Variants in RASA2 observed in about 807,000 individuals in gnomAD.
RASA2 encodes the protein RAS p21 protein activator 2.
Under a neutral mutation model 118.2 loss-of-function variants are expected in RASA2, and 155 were observed. That is an observed-to-expected ratio of 1.31 (90% CI 1.15 to 1.50). The LOEUF (loss-of-function observed/expected upper bound fraction) is 1.50, where lower values mean the gene tolerates loss of function less well. Among genes scored for constraint, RASA2 ranks in the 40% most tolerant of loss-of-function variants. The pLI is 0.00. For missense variants in RASA2, 1,016 were observed against 1,009.6 expected, an observed-to-expected ratio of 1.01 and a Z score of -0.09; for synonymous variants, 353 against 349.1, an observed-to-expected ratio of 1.01 and a Z score of -0.12.
Position 141,609,126 on chromosome 3 carries a change from A to G in RASA2, c.2226-294A>G, listed in dbSNP as rs572091923. On this transcript the variant is annotated intron_variant, in intron 21 of 23. Coordinates refer to ENST00000286364, the MANE Select transcript of RASA2 (RefSeq NM_006506.5). The stretch of plus-strand genomic sequence containing the variant: ...TCCTTAGCATTCTCTTTCTAATTGT[A>G]TGGAACAACCATTGTATTTCTATAG... Among the ~76,000 whole-genome samples, 3 of 152,346 alleles carry G rather than the reference A, an allele frequency of 2.0e-5. No individual in the cohort carries two copies. The South Asian group carries it at 6.2e-4, about 32-fold the overall frequency.
intron 17 of RASA2, among the ~76,000 whole-genome samples, chr3:141,582,368 G>A (rs1433959128): frequency 6.6e-6 from 1 of 152,192 alleles, no homozygotes; most frequent in Non-Finnish European, 1.5e-5. Context: ...CAAAGAAAAA[G>A]CTGCCCTTTT....
intron 1 of RASA2, among the ~76,000 whole-genome samples, chr3:141,492,763 ATATT>A (rs2081653868): frequency 6.6e-6 from 1 of 152,224 alleles, no homozygotes; most frequent in Admixed American, 6.5e-5. Context: ...TGTTTTAAAA[ATATT>A]TAAGATTTAT....
rs964465311 is a variant in RASA2, at chr3:141,612,404, A to C, written c.*91A>C. On this transcript the variant is annotated 3_prime_UTR_variant, in exon 24 of 24. Coordinates refer to ENST00000286364, the MANE Select transcript of RASA2 (RefSeq NM_006506.5). Reference sequence around the variant, plus strand: ...TGTATTTTGTTCATGGTATTTAAGAATGAGCATCCGCTTCAATGTCATCTG... The same window carrying C: ...TGTATTTTGTTCATGGTATTTAAGACTGAGCATCCGCTTCAATGTCATCTG... 42 of 1,060,860 alleles carry C rather than the reference A, an allele frequency of 4.0e-5. No homozygotes were observed. The African/African-American group carries it at 6.6e-4, about 17-fold the overall frequency. The allele number at this position is 1,060,860 out of a possible 1,614,324, so 65.7% of individuals were successfully genotyped here. A position where few individuals can be genotyped will look rare whatever the true frequency, so the allele number is the denominator to read the frequency against.
intron 2 of RASA2, 30 bp from the exon 3 acceptor site, chr3:141,516,298 T>G: frequency 7.0e-7 from 1 of 1,423,578 alleles, no homozygotes; most frequent in Non-Finnish European, 9.3e-7. Context: ...TTATATTATT[T>G]GAAGTAATGA....
At chr3:141,500,227 TTTTTTG>T (rs1477830737) in intron 1 of RASA2, among the ~76,000 whole-genome samples, 7 of 152,154 alleles carry the variant, frequency 4.6e-5, no homozygotes, top group Admixed American at 1.3e-4. Context: ...CCCCCCTCCT[TTTTTTG>T]TTTTTGTTTC....
At position 141,609,938 on chromosome 3, in the gene RASA2, C is replaced by T; in HGVS notation, c.2391C>T (p.Asn797=). Residue 797 remains asparagine (N), a synonymous_variant, in exon 23 of 24, where the codon AAC becomes AAT. Transcript: ENST00000286364. ...AGAAAGAGCCTGATGATTATTCTAA[C>T]TTTGTAATCGAGGATTCTGTAACAA... ...GPQKEPDDYS[N]FVIEDSVTTF... The T allele has an allele frequency of 2.5e-6, 4 of 1,605,900 alleles. No homozygotes were observed. Among genetic ancestry groups the T allele is most frequent in the Non-Finnish European group, 3.4e-6 (4 of 1,176,580 alleles).
chr3:141,520,563 T>C (rs2082096412), intron 3 of RASA2, among the ~76,000 whole-genome samples: 1 of 152,030 alleles, frequency 6.6e-6, no homozygotes, highest in South Asian at 2.1e-4. Context: ...GTGTGTGTTA[T>C]AATATACATG....
intron 1 of RASA2, among the ~76,000 whole-genome samples, chr3:141,509,013 A>G (rs546995122): frequency 1.3e-5 from 2 of 152,268 alleles, no homozygotes; most frequent in South Asian, 2.1e-4. Context: ...TAGGCACAAT[A>G]TTACTTTTAT....
At chr3:141,508,217 G>C (rs531038212) in intron 1 of RASA2, among the ~76,000 whole-genome samples, 1 of 152,130 alleles carries the variant, frequency 6.6e-6, no homozygotes, top group South Asian at 2.1e-4. Flanking sequence ...GATGTGGTTA[G>C]TGGATAAAAA....
At chr3:141,517,152 TA>T (rs1039446276) in intron 3 of RASA2, among the ~76,000 whole-genome samples, 1 of 152,236 alleles carries the variant, frequency 6.6e-6, no homozygotes, top group Non-Finnish European at 1.5e-5. Flanking sequence ...ATAATGTTTT[TA>T]TAGAAAGATT....
chr3:141,567,509 A>AT (rs1377763628), intron 9 of RASA2, among the ~76,000 whole-genome samples: 2 of 152,236 alleles, frequency 1.3e-5, no homozygotes, highest in East Asian at 3.8e-4. Context: ...TATTGACAAC[A>AT]TTTAAAATGC....
At chr3:141,549,606 C>A (rs770537122) in intron 5 of RASA2, among the ~76,000 whole-genome samples, 2 of 151,882 alleles carry the variant, frequency 1.3e-5, no homozygotes, top group Non-Finnish European at 2.9e-5. Flanking sequence ...AGCCACTAGC[C>A]ATGTGTGGAT....
chr3:141,518,242 T>G (rs1318222506), intron 3 of RASA2, among the ~76,000 whole-genome samples: 1 of 151,306 alleles, frequency 6.6e-6, no homozygotes, highest in Non-Finnish European at 1.5e-5. Context: ...ATCCTAGCAC[T>G]TTGGGAGGCC....
intron 23 of RASA2, 123 bp downstream of exon 23, chr3:141,610,189 T>G: frequency 1.3e-6 from 1 of 763,636 alleles, no homozygotes; most frequent in Non-Finnish European, 1.9e-6. Context: ...GGCCATTCTC[T>G]GGTGCAAGTT....
chr3:141,517,317 G>A (rs1026890140), intron 3 of RASA2, among the ~76,000 whole-genome samples: 2 of 152,128 alleles, frequency 1.3e-5, no homozygotes, highest in Admixed American at 1.3e-4. Flanking sequence ...CTGAGACTGG[G>A]TAATTTATAA....
At chr3:141,579,563 G>C (rs1481614705) in intron 15 of RASA2, 1 of 152,138 alleles carries the variant, frequency 6.6e-6, no homozygotes. Context: ...ATGGTGAAAA[G>C]AGTTAATTGC....
chr3:141,554,257 C>T (rs1386086093), intron 6 of RASA2, among the ~76,000 whole-genome samples: 1 of 152,142 alleles, frequency 6.6e-6, no homozygotes, highest in Non-Finnish European at 1.5e-5. Flanking sequence ...TCCTACTTTT[C>T]AAATATCCTG....
chr3:141,557,180 A>G (rs901255710), intron 7 of RASA2, among the ~76,000 whole-genome samples: 1 of 152,204 alleles, frequency 6.6e-6, no homozygotes, highest in African/African-American at 2.4e-5. Flanking sequence ...TAGCAGGAGT[A>G]CTTGTTAGGC....
At chr3:141,585,676 T>G (rs942745187) in intron 17 of RASA2, among the ~76,000 whole-genome samples, 18 of 152,066 alleles carry the variant, frequency 1.2e-4, no homozygotes, top group African/African-American at 4.1e-4. Context: ...GGCACATGCC[T>G]GTAATCCCAG....
Sources: gnomAD v4.1 joint callset for allele counts (sites outside exome capture counted in the v4.1 genomes callset) on GRCh38, gnomAD v4.1.1 for gene constraint, MANE v1.5 for transcripts, NCBI Gene and HGNC (gene_info 2026-07-23, HGNC 2026-07-21) for gene names.